Variants in LONRF3 observed in about 807,000 individuals in gnomAD.
The protein encoded by LONRF3 is LON peptidase N-terminal domain and RING finger protein 3.
LONRF3 carries 19 observed loss-of-function variants against 51.7 expected under a neutral mutation model. The observed-to-expected ratio is 0.37, with a 90% CI of 0.26 to 0.54. The LOEUF is 0.54. Among genes scored for constraint, LONRF3 ranks in the 20% least tolerant of loss-of-function variants. The pLI, the probability that LONRF3 is intolerant of heterozygous loss-of-function variation, is 0.86. For synonymous variants in LONRF3, 265 were observed against 257.8 expected (o/e 1.03, Z -0.27); for missense variants, 521 against 623.9 (o/e 0.84, Z 1.76).
chrX:118,980,950 G>A (rs1174899792), intron 2 of LONRF3, among the ~76,000 whole-genome samples: 5 of 112,052 alleles, frequency 4.5e-5, no homozygotes, highest in Non-Finnish European at 7.5e-5. Flanking sequence ...TGGGGGCAGT[G>A]ATGAGATAAT....
intron 5 of LONRF3, among the ~76,000 whole-genome samples, chrX:118,997,271 G>A (rs1231789382): frequency 8.9e-6 from 1 of 111,914 alleles, no homozygotes; most frequent in Admixed American, 9.5e-5. Flanking sequence ...TATAAAAATA[G>A]GCACATAGAC....
intron 5 of LONRF3, among the ~76,000 whole-genome samples, chrX:119,005,078 A>G (rs1490402045): frequency 1.8e-5 from 2 of 112,210 alleles, no homozygotes; most frequent in Non-Finnish European, 3.8e-5. Context: ...TCAGTCTGGC[A>G]GTGCTGGCCA....
At chrX:119,001,357 G>A (rs753352655) in intron 5 of LONRF3, among the ~76,000 whole-genome samples, 20 of 112,182 alleles carry the variant, frequency 1.8e-4, no homozygotes, top group Non-Finnish European at 3.2e-4. Context: ...GGGCTTGAGA[G>A]TCAGATCTGA....
chrX:118,984,849 A>T (rs772004887), intron 3 of LONRF3, among the ~76,000 whole-genome samples: 1 of 112,305 alleles, frequency 8.9e-6, no homozygotes, highest in Non-Finnish European at 1.9e-5. Flanking sequence ...TTACTAGATC[A>T]TTCCAGTTTC....
At position 119,017,906 on chromosome X, in the gene LONRF3, A is replaced by G. The variant is rs769737503; in HGVS notation, c.*216A>G. On this transcript the variant is annotated 3_prime_UTR_variant, in exon 11 of 11. Transcript: ENST00000371628. ...CTTAAGATGCTTCTTGACATGCTGC[A>G]TAACTACATAAACAGCAGAGGTGTT... 55 of 311,069 alleles carry G rather than the reference A, an allele frequency of 1.8e-4. No homozygotes were observed. The East Asian group carries it at 2.1e-3, about 12-fold the overall frequency. 25.6% of individuals were successfully genotyped at this position (311,069 alleles called of 1,213,427 possible). A position where few individuals can be genotyped will look rare whatever the true frequency, so the allele number is the denominator to read the frequency against.
intron 5 of LONRF3, among the ~76,000 whole-genome samples, chrX:119,000,357 C>G (rs1924184051): frequency 8.9e-6 from 1 of 111,980 alleles, no homozygotes; most frequent in African/African-American, 3.2e-5. Context: ...GTTGTAAGTT[C>G]CACAGGGAAA....
intron 5 of LONRF3, among the ~76,000 whole-genome samples, chrX:119,000,775 TTCTCTCTCTCTCTCTCTC>T (rs200671696): frequency 0.014 from 792 of 55,773 alleles, 5 homozygotes; most frequent in East Asian, 0.044. Flanking sequence ...TTCACTCTCA[TTCTCTCTCTCTCTCTCTC>T]TCTCTCTCTC....
intron 2 of LONRF3, among the ~76,000 whole-genome samples, 199 bp from the exon 3 acceptor site, chrX:118,982,622 G>GTTAAC (rs1922649820): frequency 9.0e-6 from 1 of 111,730 alleles, no homozygotes; most frequent in African/African-American, 3.3e-5. Context: ...TGTTACACTG[G>GTTAAC]GCAAGTTAAC....
rs146157216 is a variant in LONRF3 at position 119,003,120 on chromosome X, T to C, written c.1416-3001T>C. ...TTTAATACAGTCAAAATTATCAATC[T>C]TTTCATTTATAGACAGGGTCAGAAT... is the stretch of plus-strand genomic sequence containing the variant. On this transcript the variant is annotated intron_variant, in intron 5 of 10. Transcript: ENST00000371628. Among the ~76,000 whole-genome samples, 267 of 111,997 alleles carry C rather than the reference T, an allele frequency of 2.4e-3. 2 individuals are homozygous for C. Among genetic ancestry groups the C allele is most frequent in the African/African-American group, 8.3e-3 (256 of 30,842 alleles).
At chrX:119,003,547 C>T (rs749712198) in intron 5 of LONRF3, among the ~76,000 whole-genome samples, 96 of 112,209 alleles carry the variant, frequency 8.6e-4, no homozygotes, top group African/African-American at 3.0e-3. Flanking sequence ...CAAGAATCCA[C>T]GTCTGGATCT....
At chrX:119,001,544 T>G (rs1175594282) in intron 5 of LONRF3, among the ~76,000 whole-genome samples, 1 of 112,308 alleles carries the variant, frequency 8.9e-6, no homozygotes, top group Non-Finnish European at 1.9e-5. Context: ...AAAAATATAT[T>G]CCATCTGTTC....
At chrX:118,991,157 A>G (rs1040321849) in intron 5 of LONRF3, among the ~76,000 whole-genome samples, 1 of 111,527 alleles carries the variant, frequency 9.0e-6, no homozygotes, top group Non-Finnish European at 1.9e-5. Context: ...CAGTCTGAAT[A>G]TGTCTTTTGT....
intron 5 of LONRF3, among the ~76,000 whole-genome samples, chrX:119,000,550 G>A (rs1045082922): frequency 2.7e-5 from 3 of 111,680 alleles, no homozygotes; most frequent in African/African-American, 9.8e-5. Context: ...TATTTGCCTC[G>A]TGTGGTTACC....
At chrX:119,010,868 T>G (rs770264749) in intron 7 of LONRF3, among the ~76,000 whole-genome samples, 206 of 110,662 alleles carry the variant, frequency 1.9e-3, no homozygotes, top group African/African-American at 6.6e-3. Flanking sequence ...AATCCTAGTA[T>G]TTTGGGAGGC....
Position 118,974,916 on chromosome X carries a change from C to A in LONRF3, c.136C>A (p.Pro46Thr), listed in dbSNP as rs748747507. The change falls in exon 1 of 11, where the codon CCC becomes ACC. Residue 46 changes from proline (P) to threonine (T), a missense_variant. Transcript: ENST00000371628. ...CCACCCAAAGGTGGCTGCAGAGGGC[C>A]CCGCACCTCTACCGACGCGGGAGCC... ...GPHPKVAAEG[P>T]APLPTREPEQ... 1.7e-6 allele frequency: 2 copies of A among 1,188,736 alleles called. No individual in the cohort carries two copies. The highest frequency in any genetic ancestry group is 3.5e-5 in the African/African-American group (2 of 57,251).
chrX:118,975,723 T>TG, intron 1 of LONRF3, 126 bp downstream of exon 1: 3 of 104,581 alleles, frequency 2.9e-5, no homozygotes, highest in Admixed American at 1.6e-4. Flanking sequence ...ACCCATGGAC[T>TG]GTGGCGGGGT....
chrX:118,977,897 T>G (rs1232788628), intron 1 of LONRF3, among the ~76,000 whole-genome samples: 1 of 111,781 alleles, frequency 8.9e-6, no homozygotes, highest in African/African-American at 3.3e-5. Flanking sequence ...TCATCAGTCA[T>G]TCCCACCTGG....
At chrX:118,988,661 G>A (rs1373366530) in intron 3 of LONRF3, among the ~76,000 whole-genome samples, 1 of 111,263 alleles carries the variant, frequency 9.0e-6, no homozygotes, top group African/African-American at 3.3e-5. Context: ...AGATTAGAGA[G>A]GGGTTCTCCA....
At chrX:119,002,809 T>G (rs1924421393) in intron 5 of LONRF3, among the ~76,000 whole-genome samples, 1 of 111,061 alleles carries the variant, frequency 9.0e-6, no homozygotes, top group Admixed American at 9.6e-5. Context: ...TTATTTTTTT[T>G]TTATTTTGAG....
Sources: gnomAD v4.1 joint callset for allele counts (sites outside exome capture counted in the v4.1 genomes callset) on GRCh38, gnomAD v4.1.1 for gene constraint, MANE v1.5 for transcripts, NCBI Gene and HGNC (gene_info 2026-07-23, HGNC 2026-07-21) for gene names.